FBXL20: variants seen among roughly 807,000 people sequenced by gnomAD.
The protein encoded by FBXL20 is F-box/LRR-repeat protein 20.
In FBXL20, 11 loss-of-function variants were observed where a neutral mutation model predicts 64.0. The observed-to-expected ratio is 0.17, with a 90% CI of 0.11 to 0.28. FBXL20 has a LOEUF of 0.28. Among genes scored for constraint, FBXL20 ranks in the 10% least tolerant of loss-of-function variants. FBXL20 has a pLI of 1.00. For synonymous variants in FBXL20, 184 were observed against 189.0 expected (o/e 0.97, Z 0.22); for missense variants, 303 against 526.2 (o/e 0.58, Z 4.15).
chr17:39,372,298 A>ATTACTCCTGTAATC (rs2144637579), intron 1 of FBXL20, among the ~76,000 whole-genome samples: 2 of 152,002 alleles, frequency 1.3e-5, no homozygotes, highest in Admixed American at 1.3e-4. Flanking sequence ...AGGCAGGTGG[A>ATTACTCCTGTAATC]TCACAAGGTC....
rs759727371 is a variant in FBXL20, at chr17:39,401,423, G to A, written c.-21C>T. 4 of 1,585,888 alleles carry A rather than the reference G, an allele frequency of 2.5e-6. No individual in the cohort carries two copies. The highest frequency in any genetic ancestry group is 2.6e-6 in the Non-Finnish European group (3 of 1,167,920). ...CTCATGGGGCCGGCGGGTGCGGCCC[G>A]GGCCGGGCGCTGCGGCGAGCGGAGT... On this transcript the variant is annotated 5_prime_UTR_variant, in exon 1 of 15. Coordinates refer to ENST00000264658, the MANE Select transcript of FBXL20 (RefSeq NM_032875.3).
At chr17:39,299,691 G>A (rs765214214) in intron 4 of FBXL20, among the ~76,000 whole-genome samples, 5 of 152,190 alleles carry the variant, frequency 3.3e-5, no homozygotes, top group African/African-American at 4.8e-5. Flanking sequence ...TGAGGCAGGA[G>A]AATGGCGTGA....
intron 2 of FBXL20, among the ~76,000 whole-genome samples, chr17:39,340,385 G>A (rs777936510): frequency 3.3e-5 from 5 of 151,738 alleles, no homozygotes; most frequent in African/African-American, 7.3e-5. Flanking sequence ...GTGAGCCACC[G>A]CGCCCGACTA....
chr17:39,290,180 T>C (rs930725794), intron 6 of FBXL20, among the ~76,000 whole-genome samples: 4 of 152,074 alleles, frequency 2.6e-5, no homozygotes, highest in Non-Finnish European at 5.9e-5. Context: ...TTTTTGGGTA[T>C]TACTATAAAT....
At chr17:39,264,142 A>C in intron 14 of FBXL20, 33 bp downstream of exon 14, 2 of 1,597,726 alleles carry the variant, frequency 1.3e-6, no homozygotes, top group Non-Finnish European at 1.7e-6. Context: ...TGCTGCTAAC[A>C]CTAGAGTTGG....
At chr17:39,265,322 G>A (rs2046781240) in intron 13 of FBXL20, 75 bp downstream of exon 13, 1 of 1,156,638 alleles carries the variant, frequency 8.6e-7, no homozygotes, top group African/African-American at 1.6e-5. Context: ...GACACTAAGA[G>A]CTGGGTTCTT....
chr17:39,277,233 T>G (rs72823393), intron 9 of FBXL20, among the ~76,000 whole-genome samples: 8,088 of 152,272 alleles, frequency 0.053, 241 homozygotes, highest in Non-Finnish European at 0.078. Context: ...CTAACACACG[T>G]GGAGGCAGCT....
intron 2 of FBXL20, among the ~76,000 whole-genome samples, chr17:39,316,196 G>A (rs2047289872): frequency 6.6e-6 from 1 of 152,046 alleles, no homozygotes; most frequent in Non-Finnish European, 1.5e-5. Context: ...GATTGGAATT[G>A]GAAATATCAG....
In FBXL20 at chr17:39,281,431, T is replaced by C. The variant is rs556335181; in HGVS notation, c.654A>G (p.Ala218=). 1 of 1,614,032 alleles carries C rather than the reference T, an allele frequency of 6.2e-7. No individual in the cohort carries two copies. The highest frequency in any genetic ancestry group is 1.3e-5 in the African/African-American group (1 of 75,062). The change falls in exon 9 of 15, where the codon GCA becomes GCG. Residue 218 remains alanine (A), a synonymous_variant. Transcript: ENST00000264658. ...LEDEALKYIG[A]HCPELVTLNL... ...TCAAAGTCACCAGTTCAGGGCAGTG[T>C]GCACCTATGTACTTGAGAGCTTCAT...
intron 1 of FBXL20, among the ~76,000 whole-genome samples, chr17:39,363,813 A>AAAAAAAAACC (rs1567896937): frequency 2.2e-4 from 26 of 120,456 alleles, no homozygotes; most frequent in African/African-American, 1.0e-3. Flanking sequence ...TTTATCTCAA[A>AAAAAAAAACC]AAAAAAAAAA....
chr17:39,323,774 T>C (rs1174337359), intron 2 of FBXL20, among the ~76,000 whole-genome samples: 1 of 132,012 alleles, frequency 7.6e-6, no homozygotes, highest in Non-Finnish European at 1.6e-5. Flanking sequence ...TATACTTCTG[T>C]TTTCTTTTTT....
chr17:39,301,445 TGGTC>T (rs2047133968), intron 3 of FBXL20, among the ~76,000 whole-genome samples: 1 of 151,922 alleles, frequency 6.6e-6, no homozygotes, highest in Admixed American at 6.6e-5. Context: ...TTTAAAAACT[TGGTC>T]GGGCATGGTG....
intron 2 of FBXL20, among the ~76,000 whole-genome samples, chr17:39,319,715 C>G (rs1216977915): frequency 7.5e-6 from 1 of 132,932 alleles, no homozygotes; most frequent in Non-Finnish European, 1.6e-5. Flanking sequence ...GAGGGCAGAA[C>G]TGGGAGGAGG....
intron 2 of FBXL20, among the ~76,000 whole-genome samples, chr17:39,308,710 G>A (rs1017272734): frequency 1.3e-5 from 2 of 151,322 alleles, no homozygotes; most frequent in Admixed American, 6.6e-5. Context: ...CACTACAGGC[G>A]CCGAACCACC....
intron 2 of FBXL20, among the ~76,000 whole-genome samples, chr17:39,317,751 G>C (rs906073655): frequency 7.1e-6 from 1 of 141,618 alleles, no homozygotes; most frequent in Non-Finnish European, 1.5e-5. Flanking sequence ...ACCCAGGCTG[G>C]AGTGCAGTGG....
At chr17:39,322,003 C>A (rs1321703457) in intron 2 of FBXL20, among the ~76,000 whole-genome samples, 1 of 151,662 alleles carries the variant, frequency 6.6e-6, no homozygotes, top group Non-Finnish European at 1.5e-5. Flanking sequence ...TGAATTAATT[C>A]TTGATTTGAT....
At chr17:39,364,775 T>C (rs1186802731) in intron 1 of FBXL20, among the ~76,000 whole-genome samples, 1 of 152,130 alleles carries the variant, frequency 6.6e-6, no homozygotes, top group Non-Finnish European at 1.5e-5. Context: ...GAACAAGAAC[T>C]GGCTGACAGC....
intron 10 of FBXL20, among the ~76,000 whole-genome samples, chr17:39,274,098 C>G (rs1287427484): frequency 6.6e-6 from 1 of 152,142 alleles, no homozygotes; most frequent in Admixed American, 6.5e-5. Flanking sequence ...TGGTCTCAAA[C>G]TCCTGGGCTC....
chr17:39,329,427 G>C (rs1182690707), intron 2 of FBXL20, among the ~76,000 whole-genome samples: 2 of 152,018 alleles, frequency 1.3e-5, no homozygotes, highest in African/African-American at 2.4e-5. Context: ...ATACTGGCTG[G>C]AACTGAATCA....
Sources: allele counts gnomAD v4.1 joint callset (sites outside exome capture counted in the v4.1 genomes callset), GRCh38; gene constraint gnomAD v4.1.1; transcripts MANE v1.5; gene names NCBI Gene and HGNC (gene_info 2026-07-23, HGNC 2026-07-21).